The following CAND1 variants were observed in gnomAD, a reference collection of about 807,000 sequenced individuals.
CAND1 encodes the protein cullin associated and neddylation dissociated 1.
In CAND1, 7 loss-of-function variants were observed where a neutral mutation model predicts 108.5. The ratio of observed to expected loss-of-function variants is 0.06; its 90% confidence interval spans 0.04 to 0.12. The LOEUF (loss-of-function observed/expected upper bound fraction) is 0.12. Ranked by LOEUF, CAND1 falls within the 10% of genes least tolerant of loss-of-function variation. The pLI is 1.00. For missense variants in CAND1, 941 were observed against 1,448.7 expected (o/e 0.65, Z 5.69); for synonymous variants, 534 against 512.0 (o/e 1.04, Z -0.58).
chr12:67,273,716 A>G (rs753619066), intron 1 of CAND1, among the ~76,000 whole-genome samples: 4 of 152,058 alleles, frequency 2.6e-5, no homozygotes, highest in Non-Finnish European at 4.4e-5. Flanking sequence ...ATTTCCGGCA[A>G]TCTGCCCACC....
chr12:67,307,344 C>A, intron 10 of CAND1, 53 bp from the exon 11 acceptor site: 1 of 1,256,662 alleles, frequency 8.0e-7, no homozygotes, highest in Admixed American at 1.8e-5. Context: ...AAATGATGTC[C>A]GTGAGTTTTA....
In CAND1 at chr12:67,315,007, C is replaced by T. The variant is rs1057145355; in HGVS notation, c.*2177C>T. On this transcript the variant is annotated 3_prime_UTR_variant, in exon 15 of 15. Coordinates refer to ENST00000545606, the MANE Select transcript of CAND1 (RefSeq NM_018448.5). Reference sequence around the variant, plus strand: ...TGTGGAGTCCAGACATAGTCTACCACTCATGCTACTTACTAGTAATATTAA... The same window carrying T: ...TGTGGAGTCCAGACATAGTCTACCATTCATGCTACTTACTAGTAATATTAA... The T allele has an allele frequency of 1.3e-5, 2 of 152,164 alleles. No individual in the cohort carries two copies. Among genetic ancestry groups the T allele is most frequent in the Non-Finnish European group, 2.9e-5 (2 of 68,048 alleles). The allele number at this position is 152,164 out of a possible 1,614,324, so 9.4% of individuals were successfully genotyped here.
chr12:67,292,548 C>A, intron 2 of CAND1, 74 bp from the exon 3 acceptor site: 1 of 1,062,650 alleles, frequency 9.4e-7, no homozygotes, highest in Non-Finnish European at 1.4e-6. Flanking sequence ...GAAAGGTTAA[C>A]ATTTCTACTT....
chr12:67,308,368 A>G (rs2044910981), intron 11 of CAND1, among the ~76,000 whole-genome samples: 1 of 152,114 alleles, frequency 6.6e-6, no homozygotes, highest in South Asian at 2.1e-4. Flanking sequence ...TTTAAAGTCT[A>G]TATGAGAAAC....
chr12:67,289,372 T>G (rs1011098309), intron 2 of CAND1, among the ~76,000 whole-genome samples: 3 of 98,752 alleles, frequency 3.0e-5, no homozygotes, highest in African/African-American at 8.9e-5. Flanking sequence ...GCATGTACCA[T>G]GTCCAGCTAA....
At position 67,310,326 on chromosome 12, in the gene CAND1, T is replaced by C. The variant is rs1565730632; in HGVS notation, c.3360+10T>C. On this transcript the variant is annotated intron_variant, in intron 13 of 14. Transcript: ENST00000545606. ...CCATTATGATATTAAGGTAAGATGTTTGTGCCTATTTATACAATGTTTTAG... is the reference window on the plus strand; with the variant it reads ...CCATTATGATATTAAGGTAAGATGTCTGTGCCTATTTATACAATGTTTTAG... 1.3e-6 allele frequency: 2 copies of C among 1,576,538 alleles called. No individual in the cohort carries two copies. Among genetic ancestry groups the C allele is most frequent in the African/African-American group, 2.7e-5 (2 of 74,092 alleles).
At chr12:67,308,131 A>G (rs932984753) in intron 11 of CAND1, among the ~76,000 whole-genome samples, 1 of 152,030 alleles carries the variant, frequency 6.6e-6, no homozygotes, top group African/African-American at 2.4e-5. Flanking sequence ...AGCCAAAAAC[A>G]CCTCAGAATT....
chr12:67,300,776 G>GA (rs2044817492), intron 7 of CAND1, among the ~76,000 whole-genome samples: 1 of 152,030 alleles, frequency 6.6e-6, no homozygotes, highest in South Asian at 2.1e-4. Flanking sequence ...TGACACACAG[G>GA]CAATCAATAA....
Position 67,269,499 on chromosome 12 carries a change from G to T in CAND1, c.-219G>T. 2 of 539,576 alleles carry T rather than the reference G, an allele frequency of 3.7e-6. No homozygotes were observed. The highest frequency in any genetic ancestry group is 2.3e-5 in the South Asian group (1 of 43,276). 33.4% of individuals were successfully genotyped at this position (539,576 alleles called of 1,614,324 possible). ...CGCGAACAGCGCCGTCGTTAGGCTG[G>T]CTCTGTAGCCTCGGCTTACCCCGGG... On this transcript the variant is annotated 5_prime_UTR_variant, in exon 1 of 15. Coordinates refer to ENST00000545606, the MANE Select transcript of CAND1 (RefSeq NM_018448.5).
At chr12:67,304,827 C>G in intron 9 of CAND1, 81 bp downstream of exon 9, 1 of 1,501,668 alleles carries the variant, frequency 6.7e-7, no homozygotes. Flanking sequence ...TAATTGTTTC[C>G]TTTTAAAGGA....
chr12:67,282,010 T>C lies in CAND1; in HGVS notation c.169T>C (p.Leu57=), dbSNP rs779437587. Reference sequence around the variant, plus strand: ...AGTAGTGAAAATGATTTTGAAGTTATTGGAAGATAAAAATGGAGAGGTACA... The same window carrying C: ...AGTAGTGAAAATGATTTTGAAGTTACTGGAAGATAAAAATGGAGAGGTACA... The part of the protein sequence containing the change: ...RKVVKMILKL[L]EDKNGEVQNL... Residue 57 remains leucine, a synonymous_variant, in exon 2 of 15, where the codon TTG becomes CTG. Coordinates refer to ENST00000545606, the MANE Select transcript of CAND1 (RefSeq NM_018448.5). The C allele has an allele frequency of 5.6e-6, 9 of 1,612,318 alleles. No individual in the cohort carries two copies. The highest frequency in any genetic ancestry group is 1.3e-5 in the African/African-American group (1 of 74,872).
chr12:67,306,428 A>C lies in CAND1; in HGVS notation c.2760A>C (p.Ala920=), dbSNP rs755208123. ...LHSLKEIISS[A]SVVGLKPYVE... is the part of the protein sequence containing the mutation. ...CCTTGAAGGAAATTATTAGCTCTGCATCAGTGGTGGGCCTTAAACCATATG... is the reference window on the plus strand; with the variant it reads ...CCTTGAAGGAAATTATTAGCTCTGCCTCAGTGGTGGGCCTTAAACCATATG... The change falls in exon 10 of 15, where the codon GCA becomes GCC. Residue 920 remains alanine (A), a synonymous_variant. Transcript: ENST00000545606. 19 of 1,613,974 alleles carry C rather than the reference A, an allele frequency of 1.2e-5. No individual in the cohort carries two copies. The highest frequency in any genetic ancestry group is 1.7e-6 in the Non-Finnish European group (2 of 1,179,990).
In CAND1 at chr12:67,305,393, A is replaced by G. The variant is rs1475972166; in HGVS notation, c.1725A>G (p.Arg575=). The G allele has an allele frequency of 1.2e-6, 2 of 1,614,108 alleles. No homozygotes were observed. Among genetic ancestry groups the G allele is most frequent in the African/African-American group, 1.3e-5 (1 of 75,048 alleles). ...ATCTATTTACCTGTACCATTAAGAG[A>G]TTAAAAGCAGCTGACATTGATCAGG... ...IKDLFTCTIK[R]LKAADIDQEV... is the part of the protein sequence containing the mutation. The change falls in exon 10 of 15, where the codon AGA becomes AGG. Residue 575 remains arginine (R), a synonymous_variant. Coordinates refer to ENST00000545606, the MANE Select transcript of CAND1 (RefSeq NM_018448.5). This position sits in a 1 kb window ranked among gnomAD's most constrained non-coding sequence, Gnocchi z 4.4.
chr12:67,302,376 G>A lies in CAND1; in HGVS notation c.1054G>A (p.Ala352Thr), dbSNP rs746216992. 6.2e-7 allele frequency: 1 copy of A among 1,614,062 alleles called. No individual in the cohort carries two copies. The highest frequency in any genetic ancestry group is 8.5e-7 in the Non-Finnish European group (1 of 1,179,976). ...DDDMSWKVRR[A>T]AAKCLDAVVS... ...TGACATGAGTTGGAAAGTGAGACGTGCAGCTGCGAAGTGCTTGGATGCTGT... is the reference window on the plus strand; with the variant it reads ...TGACATGAGTTGGAAAGTGAGACGTACAGCTGCGAAGTGCTTGGATGCTGT... Residue 352 changes from alanine (A) to threonine (T), a missense_variant, in exon 8 of 15, where the codon GCA becomes ACA. By Grantham distance (58) the Ala-to-Thr change is moderately conservative (BLOSUM62 0). Coordinates refer to ENST00000545606, the MANE Select transcript of CAND1 (RefSeq NM_018448.5).
At chr12:67,280,734 C>T (rs1009849826) in intron 1 of CAND1, among the ~76,000 whole-genome samples, 22 of 152,168 alleles carry the variant, frequency 1.4e-4, no homozygotes, top group Non-Finnish European at 2.8e-4. Flanking sequence ...TCTGAGATGC[C>T]GTTTATACCT....
At position 67,306,275 on chromosome 12, in the gene CAND1, T is replaced by G; in HGVS notation, c.2607T>G (p.Ser869Arg). ...SVILEAFSSP[S>R]EEVKSAASYA... is the part of the protein sequence containing the mutation. Reference sequence around the variant, plus strand: ...TACTAGAAGCTTTCTCATCTCCTAGTGAAGAAGTCAAATCAGCTGCATCCT... The same window carrying G: ...TACTAGAAGCTTTCTCATCTCCTAGGGAAGAAGTCAAATCAGCTGCATCCT... The change falls in exon 10 of 15, where the codon AGT becomes AGG. Residue 869 changes from serine to arginine, a missense_variant. Physicochemically the swap from Ser to Arg is moderately radical, Grantham distance 110. This residue lies in a region of CAND1 where 697 missense variants were observed against 942.0 expected (regional missense o/e 0.74). Coordinates refer to ENST00000545606, the MANE Select transcript of CAND1 (RefSeq NM_018448.5). 6.2e-7 allele frequency: 1 copy of G among 1,614,130 alleles called. No individual in the cohort carries two copies. The highest frequency in any genetic ancestry group is 8.5e-7 in the Non-Finnish European group (1 of 1,179,980).
chr12:67,270,024 G>A (rs991549090), intron 1 of CAND1: 3 of 491,220 alleles, frequency 6.1e-6, no homozygotes, highest in South Asian at 5.9e-5. Flanking sequence ...TCTAGGCCCC[G>A]TTTGCTTGTC....
At chr12:67,281,498 A>G (rs1171486925) in intron 1 of CAND1, among the ~76,000 whole-genome samples, 1 of 152,220 alleles carries the variant, frequency 6.6e-6, no homozygotes, top group African/African-American at 2.4e-5. Flanking sequence ...CTTCCTAGAT[A>G]GAATTCAAAT....
In CAND1 at chr12:67,304,731, C is replaced by A. The variant is rs769918921; in HGVS notation, c.1420C>A (p.Pro474Thr). 1 of 1,613,560 alleles carries A rather than the reference C, an allele frequency of 6.2e-7. No homozygotes were observed. ...ACCTGGGGCCCTAACTCAACACATT[C>A]CTGTACTTGTACCAGGTATGAAAGA... Reference protein sequence around the residue: ...VLPGALTQHIPVLVPGIIFSL... With the variant: ...VLPGALTQHITVLVPGIIFSL... Residue 474 changes from proline (P) to threonine (T), a missense_variant, in exon 9 of 15, where the codon CCT becomes ACT. Physicochemically the swap from Pro to Thr is conservative, Grantham distance 38. Transcript: ENST00000545606.
Sources: gnomAD v4.1 joint callset for allele counts (sites outside exome capture counted in the v4.1 genomes callset) on GRCh38, gnomAD v4.1.1 for gene constraint, gnomAD v4.1.1 regional missense constraint, Gnocchi (gnomAD v3.1) non-coding constraint, MANE v1.5 for transcripts, NCBI Gene and HGNC (gene_info 2026-07-23, HGNC 2026-07-21) for gene names.